The following SLC35A1 variants were observed in gnomAD, a reference collection of about 807,000 sequenced individuals.
SLC35A1 encodes the protein solute carrier family 35 member A1.
A neutral mutation model predicts 40.3 loss-of-function variants in SLC35A1; 21 were observed. That is an observed-to-expected ratio of 0.52 (90% CI 0.37 to 0.75). The LOEUF (loss-of-function observed/expected upper bound fraction) is 0.75, where lower values mean the gene tolerates loss of function less well. Among genes scored for constraint, SLC35A1 ranks in the 30% least tolerant of loss-of-function variants. The probability of loss-of-function intolerance (pLI) is 0.00; values close to 1 mark genes in which losing one functional copy is unlikely to be tolerated. For missense variants in SLC35A1, 297 were observed against 382.1 expected, an observed-to-expected ratio of 0.78 and a Z score of 1.86; for synonymous variants, 146 against 147.3, an observed-to-expected ratio of 0.99 and a Z score of 0.06.
chr6:87,494,141 C>A (rs1327559623), intron 2 of SLC35A1, among the ~76,000 whole-genome samples: 2 of 151,134 alleles, frequency 1.3e-5, no homozygotes, highest in Admixed American at 6.6e-5. Context: ...AGAAATCTAT[C>A]TCATTCTTTT....
At position 87,509,026 on chromosome 6, in the gene SLC35A1, C is replaced by T. The variant is rs538375176; in HGVS notation, c.752-15C>T. On this transcript the variant is annotated splice_polypyrimidine_tract_variant and intron_variant, in intron 6 of 7. Transcript: ENST00000369552. ...TTATTTGAGTGATAAGATTTTATTT[C>T]TCTCTGTATACAAGTTCTTGCAAGT... is the stretch of plus-strand genomic sequence containing the variant. 3.7e-6 allele frequency: 6 copies of T among 1,613,368 alleles called. No individual in the cohort carries two copies. The South Asian group carries it at 5.5e-5, about 15-fold the overall frequency.
At chr6:87,478,372 TA>T (rs1562017416) in intron 2 of SLC35A1, among the ~76,000 whole-genome samples, 1 of 152,172 alleles carries the variant, frequency 6.6e-6, no homozygotes, top group Admixed American at 6.5e-5. Context: ...GAAAATTAAA[TA>T]AAATCTAATA....
At chr6:87,497,769 C>T (rs1769780127) in intron 2 of SLC35A1, among the ~76,000 whole-genome samples, 1 of 152,120 alleles carries the variant, frequency 6.6e-6, no homozygotes, top group South Asian at 2.1e-4. Context: ...TACTCTTTCA[C>T]CCAGGCTGGA....
At chr6:87,501,486 T>G (rs1397267253) in intron 4 of SLC35A1, among the ~76,000 whole-genome samples, 176 bp downstream of exon 4, 1 of 152,226 alleles carries the variant, frequency 6.6e-6, no homozygotes, top group Non-Finnish European at 1.5e-5. Flanking sequence ...TAATACTTAT[T>G]GGTTGTTTCT....
intron 4 of SLC35A1, among the ~76,000 whole-genome samples, chr6:87,504,226 G>A (rs1770009162): frequency 6.6e-6 from 1 of 151,064 alleles, no homozygotes; most frequent in African/African-American, 2.4e-5. Context: ...AGGAGGTTGA[G>A]GCTGTAGTGA....
chr6:87,481,619 AG>A (rs1769247508), intron 2 of SLC35A1, among the ~76,000 whole-genome samples: 1 of 152,172 alleles, frequency 6.6e-6, no homozygotes, highest in African/African-American at 2.4e-5. Context: ...CCTTTATATT[AG>A]TGTATTATTA....
At chr6:87,496,400 CCTAG>C (rs1474970454) in intron 2 of SLC35A1, among the ~76,000 whole-genome samples, 3 of 152,100 alleles carry the variant, frequency 2.0e-5, no homozygotes, top group African/African-American at 7.2e-5. Flanking sequence ...GCTCTTTTGT[CCTAG>C]CTAGCAGTGT....
chr6:87,473,806 CAGG>C (rs773338667), intron 1 of SLC35A1, among the ~76,000 whole-genome samples: 2 of 152,218 alleles, frequency 1.3e-5, no homozygotes, highest in Non-Finnish European at 2.9e-5. Flanking sequence ...GTGCATTAAC[CAGG>C]AGAAGTTGGG....
At chr6:87,498,362 TCTC>T (rs576422110) in intron 2 of SLC35A1, among the ~76,000 whole-genome samples, 160 of 152,344 alleles carry the variant, frequency 1.1e-3, no homozygotes, top group African/African-American at 3.6e-3. Flanking sequence ...TCAGTTATCT[TCTC>T]TGATACATCA....
At chr6:87,487,043 G>A (rs556286945) in intron 2 of SLC35A1, among the ~76,000 whole-genome samples, 1 of 152,070 alleles carries the variant, frequency 6.6e-6, no homozygotes, top group African/African-American at 2.4e-5. Flanking sequence ...TGGGCGTGGT[G>A]GCACATGCCT....
At chr6:87,492,079 C>T (rs979368402) in intron 2 of SLC35A1, among the ~76,000 whole-genome samples, 1 of 152,134 alleles carries the variant, frequency 6.6e-6, no homozygotes, top group Non-Finnish European at 1.5e-5. Context: ...AGACAAGATG[C>T]TTCTTTGTCC....
Position 87,501,287 on chromosome 6 carries a change from C to A in SLC35A1, c.484C>A (p.Pro162Thr). 6.2e-7 allele frequency: 1 copy of A among 1,613,988 alleles called. No homozygotes were observed. Among genetic ancestry groups the A allele is most frequent in the Non-Finnish European group, 8.5e-7 (1 of 1,179,948 alleles). ...TGGAGTTACGCTTGTACAGTGGAAA[C>A]CAGCCCAAGCTACAAAAGTGGTGGT... ...CAGVTLVQWK[P>T]AQATKVVVEQ... Residue 162 changes from proline to threonine, a missense_variant, in exon 4 of 8, where the codon CCA (proline) becomes ACA (threonine). Pro to Thr is a conservative substitution (Grantham distance 38). Coordinates refer to ENST00000369552, the MANE Select transcript of SLC35A1 (RefSeq NM_006416.5).
chr6:87,482,871 G>A (rs1215929429), intron 2 of SLC35A1, among the ~76,000 whole-genome samples: 3 of 152,170 alleles, frequency 2.0e-5, no homozygotes, highest in African/African-American at 7.2e-5. Context: ...CTCACAATGA[G>A]GTTTCCTCTA....
In SLC35A1 at chr6:87,509,476, A is replaced by G. The variant is rs546745554; in HGVS notation, c.886+301A>G. ...ATTTTTAGGTATTGTATATAGGACA[A>G]CTTGAGTGTCTGAATGTGAGAAGGT... On this transcript the variant is annotated intron_variant, in intron 7 of 7. Coordinates refer to ENST00000369552, the MANE Select transcript of SLC35A1 (RefSeq NM_006416.5). 8.7e-4 allele frequency among the ~76,000 whole-genome samples: 133 copies of G among 152,298 alleles called. 1 individual carries two copies. The highest frequency in any genetic ancestry group is 1.2e-3 in the Non-Finnish European group (83 of 68,016).
intron 7 of SLC35A1, among the ~76,000 whole-genome samples, chr6:87,510,057 T>C (rs1582198955): frequency 6.6e-6 from 1 of 152,248 alleles, no homozygotes; most frequent in South Asian, 2.1e-4. Context: ...AAATCTTGCC[T>C]GTACCATTTC....
At chr6:87,482,712 C>T (rs1769279845) in intron 2 of SLC35A1, among the ~76,000 whole-genome samples, 1 of 152,118 alleles carries the variant, frequency 6.6e-6, no homozygotes, top group South Asian at 2.1e-4. Flanking sequence ...AGATTTAGAT[C>T]CCCTGTGAGG....
chr6:87,488,119 G>T (rs1310123352), intron 2 of SLC35A1: 1 of 152,148 alleles, frequency 6.6e-6, no homozygotes, highest in Non-Finnish European at 1.5e-5. Flanking sequence ...ATAATTTAAA[G>T]TTTTTAATGT....
Position 87,477,855 on chromosome 6 carries a change from C to T in SLC35A1, c.194+316C>T, listed in dbSNP as rs143666923. Among the ~76,000 whole-genome samples the T allele has an allele frequency of 2.2e-3, 341 of 152,306 alleles. 3 individuals are homozygous for T. The highest frequency in any genetic ancestry group is 7.8e-3 in the African/African-American group (326 of 41,564). ...CTGCTGTAGAATAGAAGTTGGCAAA[C>T]TATGTCTCATGGGCCAAATCCAGCT... On this transcript the variant is annotated intron_variant, in intron 2 of 7. Transcript: ENST00000369552.
chr6:87,501,283 G>C lies in SLC35A1; in HGVS notation c.480G>C (p.Trp160Cys). 1 of 1,614,000 alleles carries C rather than the reference G, an allele frequency of 6.2e-7. No homozygotes were observed. Among genetic ancestry groups the C allele is most frequent in the Non-Finnish European group, 8.5e-7 (1 of 1,179,972 alleles). Residue 160 changes from tryptophan to cysteine, a missense_variant, in exon 4 of 8, where the codon TGG becomes TGC. Trp to Cys is a radical substitution (Grantham distance 215). Transcript: ENST00000369552. ...GTGCTGGAGTTACGCTTGTACAGTG[G>C]AAACCAGCCCAAGCTACAAAAGTGG... The part of the protein sequence containing the change: ...MLCAGVTLVQ[W>C]KPAQATKVVV...
Sources: allele counts gnomAD v4.1 joint callset (sites outside exome capture counted in the v4.1 genomes callset), GRCh38; gene constraint gnomAD v4.1.1; transcripts MANE v1.5; gene names NCBI Gene and HGNC (gene_info 2026-07-23, HGNC 2026-07-21).